APLF: variants seen among roughly 807,000 people sequenced by gnomAD.
APLF encodes aprataxin and PNK-like factor.
APLF carries 61 observed loss-of-function variants against 55.6 expected under a neutral mutation model. The ratio of observed to expected loss-of-function variants is 1.10; its 90% CI spans 0.89 to 1.36. The LOEUF is 1.36. Among genes scored for constraint, APLF ranks in the 40% most tolerant of loss-of-function variants. APLF has a pLI of 0.00. For synonymous variants in APLF, 207 were observed against 214.8 expected (o/e 0.96, Z 0.32); for missense variants, 611 against 602.5 (o/e 1.01, Z -0.15).
At chr2:68,574,085 A>G (rs991464127) in intron 9 of APLF, among the ~76,000 whole-genome samples, 11 of 151,634 alleles carry the variant, frequency 7.3e-5, no homozygotes, top group African/African-American at 2.7e-4. Context: ...CAAATTAAAA[A>G]AAAAAAAAAA....
intron 6 of APLF, among the ~76,000 whole-genome samples, chr2:68,528,060 C>T (rs1387777329): frequency 3.3e-5 from 5 of 151,294 alleles, no homozygotes; most frequent in Non-Finnish European, 5.9e-5. Flanking sequence ...CCAGACAGTG[C>T]GGTGGCCAAG....
intron 2 of APLF, among the ~76,000 whole-genome samples, chr2:68,492,090 T>C (rs1001375777): frequency 6.6e-6 from 1 of 152,244 alleles, no homozygotes; most frequent in African/African-American, 2.4e-5. Context: ...AAATGTTTTA[T>C]AAATTGGCTT....
intron 8 of APLF, among the ~76,000 whole-genome samples, chr2:68,556,993 A>T (rs1358824418): frequency 6.6e-6 from 1 of 152,098 alleles, no homozygotes; most frequent in Non-Finnish European, 1.5e-5. Flanking sequence ...TCCTGATATG[A>T]TCTAAAATTT....
chr2:68,518,409 A>T (rs1186097647), intron 5 of APLF, among the ~76,000 whole-genome samples: 2 of 109,984 alleles, frequency 1.8e-5, no homozygotes, highest in African/African-American at 7.8e-5. Context: ...ACAATATATT[A>T]TATATTATAT....
At chr2:68,540,899 A>T (rs1026862417) in intron 7 of APLF, among the ~76,000 whole-genome samples, 21 of 152,202 alleles carry the variant, frequency 1.4e-4, no homozygotes, top group African/African-American at 5.1e-4. Flanking sequence ...ACATGACCAG[A>T]TAGAAAGCCT....
At chr2:68,482,817 TG>T (rs1457783534) in intron 1 of APLF, among the ~76,000 whole-genome samples, 1 of 152,096 alleles carries the variant, frequency 6.6e-6, no homozygotes, top group South Asian at 2.1e-4. Flanking sequence ...GCATGCCCAC[TG>T]GGGGTGGTCT....
rs778172856 is a variant in APLF at position 68,538,275 on chromosome 2, G to A, written c.1160+48G>A. 3 of 1,475,630 alleles carry A rather than the reference G, an allele frequency of 2.0e-6. No homozygotes were observed. In the South Asian group the frequency reaches 4.0e-5, roughly 20 times the overall value. 91.4% of individuals were successfully genotyped at this position (1,475,630 alleles called of 1,614,324 possible). ...TTTAATTCCATTATTTTGATAGCGTGTAGCTATGTAGATACATGCTACAGT... is the reference window on the plus strand; with the variant it reads ...TTTAATTCCATTATTTTGATAGCGTATAGCTATGTAGATACATGCTACAGT... On this transcript the variant is annotated intron_variant, in intron 7 of 9. Transcript: ENST00000303795.
At chr2:68,495,717 C>CT (rs1676524483) in intron 2 of APLF, among the ~76,000 whole-genome samples, 2 of 152,242 alleles carry the variant, frequency 1.3e-5, no homozygotes, top group African/African-American at 4.8e-5. Flanking sequence ...CTGCAGCAGG[C>CT]TTCTGCCTGG....
At chr2:68,490,105 T>C (rs1258391190) in intron 1 of APLF, 85 bp from the exon 2 acceptor site, 2 of 849,268 alleles carry the variant, frequency 2.4e-6, no homozygotes, top group South Asian at 4.0e-5. Flanking sequence ...TTCAGAAACA[T>C]CGCCAAGGGT....
At chr2:68,495,136 T>C (rs1281968102) in intron 2 of APLF, among the ~76,000 whole-genome samples, 1 of 152,192 alleles carries the variant, frequency 6.6e-6, no homozygotes, top group East Asian at 1.9e-4. Flanking sequence ...TCCCCTGACC[T>C]GTCCCAAATC....
intron 8 of APLF, among the ~76,000 whole-genome samples, chr2:68,565,516 T>C (rs1671282651): frequency 6.9e-6 from 1 of 144,522 alleles, no homozygotes; most frequent in Non-Finnish European, 1.5e-5. Flanking sequence ...GACAGATAGA[T>C]ACATACATAC....
intron 5 of APLF, among the ~76,000 whole-genome samples, chr2:68,514,120 C>T (rs550609547): frequency 1.3e-5 from 2 of 151,710 alleles, no homozygotes; most frequent in South Asian, 4.2e-4. Flanking sequence ...AGTTATTGTA[C>T]TTTTCAGTTC....
intron 1 of APLF, among the ~76,000 whole-genome samples, chr2:68,474,868 A>G (rs1258547986): frequency 1.3e-5 from 2 of 152,156 alleles, no homozygotes; most frequent in Admixed American, 1.3e-4. Context: ...CGGTTTCTCT[A>G]TGTTGATCAG....
chr2:68,578,556 C>T lies in APLF; in HGVS notation c.*534C>T. The stretch of plus-strand genomic sequence containing the variant: ...CACTTACTACTTTTATCCTTCAAAA[C>T]TTGGGAAGATTGGTTCCAAATGGGT... On this transcript the variant is annotated 3_prime_UTR_variant, in exon 10 of 10. Coordinates refer to ENST00000303795, the MANE Select transcript of APLF (RefSeq NM_173545.3). 1.0e-6 allele frequency: 1 copy of T among 985,238 alleles called. No individual in the cohort carries two copies. The highest frequency in any genetic ancestry group is 4.7e-5 in the South Asian group (1 of 21,214). 61.0% of individuals were successfully genotyped at this position (985,238 alleles called of 1,614,324 possible).
chr2:68,475,553 T>A (rs978532662), intron 1 of APLF, among the ~76,000 whole-genome samples: 1 of 152,216 alleles, frequency 6.6e-6, no homozygotes, highest in Non-Finnish European at 1.5e-5. Flanking sequence ...ATTAACCTTT[T>A]AAAGAGAACT....
rs2103989742 is a variant in APLF, at chr2:68,529,361, C to T, written c.804+3119C>T. The T allele has an allele frequency of 3.1e-6, 4 of 1,303,584 alleles. No individual in the cohort carries two copies. The highest frequency in any genetic ancestry group is 5.8e-4 in the Middle Eastern group (2 of 3,438). 80.8% of individuals were successfully genotyped at this position (1,303,584 alleles called of 1,614,324 possible). A position where few individuals can be genotyped will look rare whatever the true frequency, so the allele number is the denominator to read the frequency against. ...AGGTGCAGGAGCCGCGGGGTGAGCC[C>T]GGCCAGCTGGGAAGGCCTCACGGAC... On this transcript the variant is annotated intron_variant, in intron 6 of 9. Coordinates refer to ENST00000303795, the MANE Select transcript of APLF (RefSeq NM_173545.3). This position sits in a 1 kb window ranked among gnomAD's most constrained non-coding sequence, Gnocchi z 4.4.
At chr2:68,574,947 A>G (rs574272673) in intron 9 of APLF, among the ~76,000 whole-genome samples, 2 of 152,346 alleles carry the variant, frequency 1.3e-5, no homozygotes, top group African/African-American at 4.8e-5. Flanking sequence ...CAACAAATAT[A>G]TTTATTAAGT....
rs769493632 is a variant in APLF, at chr2:68,526,137, A to G, written c.699A>G (p.Arg233=). The G allele has an allele frequency of 5.6e-6, 9 of 1,613,886 alleles. No individual in the cohort carries two copies. The East Asian group carries it at 6.7e-5, about 12-fold the overall frequency. The part of the protein sequence containing the change: ...KSQLNTTQQG[R]RQLISSGSSE... ...AGCTAAACACAACCCAGCAAGGAAG[A>G]AGGCAATTAATTTCATCAGGAAGTT... Residue 233 remains arginine, a synonymous_variant, in exon 6 of 10, where the codon AGA becomes AGG. Transcript: ENST00000303795.
At chr2:68,539,162 A>G (rs1424012403) in intron 7 of APLF, among the ~76,000 whole-genome samples, 2 of 152,206 alleles carry the variant, frequency 1.3e-5, no homozygotes, top group Non-Finnish European at 2.9e-5. Context: ...ACATTTTTGT[A>G]TATATGCAAT....
Sources: allele counts gnomAD v4.1 joint callset (sites outside exome capture counted in the v4.1 genomes callset), GRCh38; gene constraint gnomAD v4.1.1; non-coding constraint Gnocchi (gnomAD v3.1); transcripts MANE v1.5; gene names NCBI Gene and HGNC (gene_info 2026-07-23, HGNC 2026-07-21).